The following B3GAT2 variants were observed in gnomAD, a reference collection of about 807,000 sequenced individuals.
The protein encoded by B3GAT2 is galactosylgalactosylxylosylprotein 3-beta-glucuronosyltransferase 2.
In B3GAT2, 26 loss-of-function variants were observed where a neutral mutation model predicts 27.8. The observed-to-expected ratio is 0.93, with a 90% CI of 0.68 to 1.30. The LOEUF (loss-of-function observed/expected upper bound fraction) is 1.30. Ranked by LOEUF, B3GAT2 falls within the 50% of genes most tolerant of loss-of-function variation. B3GAT2 has a pLI of 0.00. For synonymous variants in B3GAT2, 218 were observed against 195.1 expected, an observed-to-expected ratio of 1.12 and a Z score of -0.98; for missense variants, 458 against 459.0, an observed-to-expected ratio of 1.00 and a Z score of 0.02.
intron 1 of B3GAT2, among the ~76,000 whole-genome samples, chr6:70,898,750 G>C (rs781206774): frequency 6.6e-6 from 1 of 152,136 alleles, no homozygotes; most frequent in South Asian, 2.1e-4. Context: ...GCACACAGCA[G>C]GTATTAAACA....
At position 70,956,826 on chromosome 6, in the gene B3GAT2, C is replaced by T. The variant is rs1392896842; in HGVS notation, c.-397G>A. 9.4e-7 allele frequency: 1 copy of T among 1,067,464 alleles called. No individual in the cohort carries two copies. The highest frequency in any genetic ancestry group is 9.8e-5 in the East Asian group (1 of 10,180). 66.1% of individuals were successfully genotyped at this position (1,067,464 alleles called of 1,614,324 possible). On this transcript the variant is annotated 5_prime_UTR_variant, in exon 1 of 4. Coordinates refer to ENST00000230053, the MANE Select transcript of B3GAT2 (RefSeq NM_080742.3). ...ACCCGGTGCGCCTCGCCGCTCCAGT[C>T]CGGCGGTGCTGCGGGCACAAGGGCT...
chr6:70,894,102 C>A, intron 2 of B3GAT2, 26 bp downstream of exon 2: 1 of 1,585,164 alleles, frequency 6.3e-7, no homozygotes, highest in Non-Finnish European at 8.6e-7. Context: ...CCAGCAGGAA[C>A]AAATGTCATC....
At chr6:70,928,588 G>A (rs901256505) in intron 1 of B3GAT2, among the ~76,000 whole-genome samples, 2 of 152,148 alleles carry the variant, frequency 1.3e-5, no homozygotes, top group African/African-American at 4.8e-5. Flanking sequence ...AAATCTAGAA[G>A]AAATAGAAAA....
intron 1 of B3GAT2, among the ~76,000 whole-genome samples, chr6:70,929,899 A>G (rs1438858201): frequency 2.6e-5 from 4 of 152,214 alleles, no homozygotes; most frequent in African/African-American, 4.8e-5. Flanking sequence ...ATCCTAAGCA[A>G]AAAGATCAAA....
intron 1 of B3GAT2, among the ~76,000 whole-genome samples, chr6:70,905,501 A>G (rs1279194930): frequency 1.3e-5 from 2 of 152,262 alleles, no homozygotes; most frequent in African/African-American, 4.8e-5. Context: ...GCTGCAGATT[A>G]GCATGTCTAA....
At chr6:70,866,083 A>G (rs1771846197) in intron 2 of B3GAT2, among the ~76,000 whole-genome samples, 1 of 152,214 alleles carries the variant, frequency 6.6e-6, no homozygotes, top group African/African-American at 2.4e-5. Flanking sequence ...TCAACTGAGT[A>G]TGAAGAGCAA....
At chr6:70,908,898 C>G (rs752439518) in intron 1 of B3GAT2, among the ~76,000 whole-genome samples, 2 of 152,092 alleles carry the variant, frequency 1.3e-5, no homozygotes, top group Non-Finnish European at 2.9e-5. Flanking sequence ...TGGAGAGAAC[C>G]TTTTAAGATC....
chr6:70,874,388 G>A (rs1397698425), intron 2 of B3GAT2, among the ~76,000 whole-genome samples: 1 of 152,158 alleles, frequency 6.6e-6, no homozygotes, highest in Non-Finnish European at 1.5e-5. Flanking sequence ...TTGCCAAGAT[G>A]CTCTGTGTCC....
chr6:70,933,200 T>C (rs1310637508), intron 1 of B3GAT2, among the ~76,000 whole-genome samples: 5 of 152,168 alleles, frequency 3.3e-5, no homozygotes, highest in African/African-American at 1.2e-4. Flanking sequence ...GAGGAACAGC[T>C]GGGATTGCTG....
chr6:70,915,062 C>T (rs906438574), intron 1 of B3GAT2, among the ~76,000 whole-genome samples: 5 of 152,224 alleles, frequency 3.3e-5, no homozygotes, highest in Non-Finnish European at 5.9e-5. Context: ...TCCTCTCCAG[C>T]ATCTGTGGTT....
At chr6:70,885,284 C>T (rs1251238538) in intron 2 of B3GAT2, among the ~76,000 whole-genome samples, 2 of 152,128 alleles carry the variant, frequency 1.3e-5, no homozygotes, top group Non-Finnish European at 2.9e-5. Flanking sequence ...GACTCACCTA[C>T]AGGGGCAAGC....
chr6:70,871,074 A>C (rs1163462737), intron 2 of B3GAT2, among the ~76,000 whole-genome samples: 3 of 151,832 alleles, frequency 2.0e-5, no homozygotes, highest in African/African-American at 4.8e-5. Context: ...TATTTGAAAT[A>C]ATCTTATATT....
In B3GAT2 at chr6:70,860,567, A is replaced by G; in HGVS notation, c.*1096T>C. 3 of 448,342 alleles carry G rather than the reference A, an allele frequency of 6.7e-6. No individual in the cohort carries two copies. The highest frequency in any genetic ancestry group is 3.4e-5 in the East Asian group (1 of 29,406). The allele number at this position is 448,342 out of a possible 1,614,324, so 27.8% of individuals were successfully genotyped here. ...CTTTGCTCATATTTCCCATGATTTC[A>G]TGTACTGCATTATTTGAGAAGCTGC... On this transcript the variant is annotated 3_prime_UTR_variant, in exon 4 of 4. Transcript: ENST00000230053.
intron 2 of B3GAT2, among the ~76,000 whole-genome samples, chr6:70,863,284 G>A (rs1047020133): frequency 6.6e-6 from 1 of 152,202 alleles, no homozygotes. Flanking sequence ...AGGTGGTAAT[G>A]GAGGAGCTGT....
intron 2 of B3GAT2, among the ~76,000 whole-genome samples, chr6:70,889,094 G>A (rs755957983): frequency 2.6e-5 from 4 of 152,130 alleles, no homozygotes; most frequent in South Asian, 4.1e-4. Context: ...AACATTTGGC[G>A]GACGGTCAAT....
At position 70,858,174 on chromosome 6, in the gene B3GAT2, C is replaced by A; in HGVS notation, c.*3489G>T. 6.2e-7 allele frequency: 1 copy of A among 1,613,862 alleles called. No homozygotes were observed. Among genetic ancestry groups the A allele is most frequent in the Non-Finnish European group, 8.5e-7 (1 of 1,179,982 alleles). On this transcript the variant is annotated 3_prime_UTR_variant, in exon 4 of 4. Transcript: ENST00000230053. The stretch of plus-strand genomic sequence containing the variant: ...GGAATGGTGGGACAAATGGGTGCAC[C>A]CCAGAGTAAGTTTGGCCTGCCGCAA...
intron 1 of B3GAT2, among the ~76,000 whole-genome samples, chr6:70,895,680 A>C (rs1289094016): frequency 6.6e-6 from 1 of 151,804 alleles, no homozygotes; most frequent in Non-Finnish European, 1.5e-5. Context: ...AATTCCAAAG[A>C]GGGGATTTAA....
intron 1 of B3GAT2, among the ~76,000 whole-genome samples, chr6:70,938,984 A>T (rs9455263): frequency 4.0e-4 from 61 of 151,980 alleles, no homozygotes; most frequent in Middle Eastern, 3.4e-3. Flanking sequence ...GGGAGAAAAT[A>T]TTCGCAACCT....
At chr6:70,945,519 G>C (rs1171753513) in intron 1 of B3GAT2, among the ~76,000 whole-genome samples, 3 of 151,722 alleles carry the variant, frequency 2.0e-5, no homozygotes, top group South Asian at 4.2e-4. Context: ...GGGAAGTTTA[G>C]AGAAAAAAGA....
Sources: allele counts gnomAD v4.1 joint callset (sites outside exome capture counted in the v4.1 genomes callset), GRCh38; gene constraint gnomAD v4.1.1; transcripts MANE v1.5; gene names NCBI Gene and HGNC (gene_info 2026-07-23, HGNC 2026-07-21).